Variants in ANK3 observed in about 807,000 individuals in gnomAD.
The protein encoded by ANK3 is ankyrin 3.
Under a neutral mutation model 370.9 loss-of-function variants are expected in ANK3, and 57 were observed. That is an observed-to-expected ratio of 0.15 (90% CI 0.12 to 0.19). The LOEUF is 0.19. Among genes scored for constraint, ANK3 ranks in the 10% least tolerant of loss-of-function variants. The pLI, the probability that ANK3 is intolerant of heterozygous loss-of-function variation, is 1.00. For synonymous variants in ANK3, 1,929 were observed against 1,946.3 expected, an observed-to-expected ratio of 0.99 and a Z score of 0.23; for missense variants, 4,439 against 5,302.1, an observed-to-expected ratio of 0.84 and a Z score of 5.06.
intron 1 of ANK3, among the ~76,000 whole-genome samples, chr10:60,367,458 A>G (rs959702002): frequency 3.9e-5 from 6 of 152,234 alleles, no homozygotes; most frequent in African/African-American, 1.4e-4. Flanking sequence ...AGAGAAAGAA[A>G]GAAATGAATT....
intron 43 of ANK3, among the ~76,000 whole-genome samples, chr10:60,030,774 C>T (rs535072690): frequency 6.6e-6 from 1 of 152,280 alleles, no homozygotes; most frequent in Admixed American, 6.5e-5. Flanking sequence ...ACACCTTTCT[C>T]CTGCAAAAAC....
Position 60,067,975 on chromosome 10 carries a change from C to T in ANK3, c.12279G>A (p.Arg4093=). 1.2e-6 allele frequency: 2 copies of T among 1,610,710 alleles called. No individual in the cohort carries two copies. The highest frequency in any genetic ancestry group is 1.7e-6 in the Non-Finnish European group (2 of 1,177,280). Reference sequence around the variant, plus strand: ...CCAGGTGATCGGCTACTATTGCCATCCTGATATCTGTCCGTTCACATGGAC... The same window carrying T: ...CCAGGTGATCGGCTACTATTGCCATTCTGATATCTGTCCGTTCACATGGAC... ...PQSPCERTDI[R]MAIVADHLGL... Residue 4093 remains arginine, a synonymous_variant, in exon 38 of 44, where the codon AGG becomes AGA. Transcript: ENST00000280772.
At chr10:60,372,260 T>C (rs2060199309) in intron 1 of ANK3, among the ~76,000 whole-genome samples, 1 of 152,212 alleles carries the variant, frequency 6.6e-6, no homozygotes, top group Admixed American at 6.5e-5. Context: ...CAACTGTGAC[T>C]TTGGCCCCTT....
At chr10:60,097,936 G>A (rs1486764803) in intron 28 of ANK3, among the ~76,000 whole-genome samples, 1 of 152,150 alleles carries the variant, frequency 6.6e-6, no homozygotes, top group Non-Finnish European at 1.5e-5. Flanking sequence ...ATTTGATATT[G>A]AGAGGTGAAA....
intron 2 of ANK3, among the ~76,000 whole-genome samples, chr10:60,450,478 T>A (rs1214037573): frequency 6.6e-6 from 1 of 151,980 alleles, no homozygotes; most frequent in East Asian, 1.9e-4. Flanking sequence ...CTGGAAAAAT[T>A]TCAACTTACA....
chr10:60,428,601 C>T (rs1376461004), intron 2 of ANK3, among the ~76,000 whole-genome samples: 2 of 152,180 alleles, frequency 1.3e-5, no homozygotes, highest in East Asian at 3.9e-4. Context: ...AAAATTCAAG[C>T]AACATTTGTT....
chr10:60,643,572 A>G (rs865955136), intron 1 of ANK3, among the ~76,000 whole-genome samples: 10 of 151,500 alleles, frequency 6.6e-5, no homozygotes, highest in Non-Finnish European at 1.0e-4. Flanking sequence ...CTGTACTTCT[A>G]GAGAACCCTA....
At chr10:60,466,145 T>C (rs2065007744) in intron 2 of ANK3, among the ~76,000 whole-genome samples, 2 of 152,286 alleles carry the variant, frequency 1.3e-5, no homozygotes, top group South Asian at 4.1e-4. Flanking sequence ...AAAACGGGTA[T>C]AGAAAATAGA....
chr10:60,034,187 A>G (rs1353390003), intron 43 of ANK3, among the ~76,000 whole-genome samples: 5 of 147,378 alleles, frequency 3.4e-5, no homozygotes, highest in Non-Finnish European at 7.4e-5. Flanking sequence ...GCTCACTGCA[A>G]CCTCCACCTC....
At chr10:60,733,473 C>CT in exon 1 of ANK3, 1 of 614,216 alleles carries the variant, frequency 1.6e-6, no homozygotes, top group East Asian at 3.5e-5. Context: ...CCAGCGCGGC[C>CT]TATCCTCCTC....
At position 60,237,198 on chromosome 10, in the gene ANK3, G is replaced by A. The variant is rs765922686; in HGVS notation, c.799-2412C>T. On this transcript the variant is annotated intron_variant, in intron 7 of 43. Coordinates refer to ENST00000280772, the MANE Select transcript of ANK3 (RefSeq NM_020987.5). Reference sequence around the variant, plus strand: ...GGCAGAAGGAAATAAATTTCATGACGACTTTCAGATCTGCTTATGTCTGTT... The same window carrying A: ...GGCAGAAGGAAATAAATTTCATGACAACTTTCAGATCTGCTTATGTCTGTT... Among the ~76,000 whole-genome samples, 73 of 152,332 alleles carry A rather than the reference G, an allele frequency of 4.8e-4. No homozygotes were observed. The Middle Eastern group carries it at 0.01, about 21-fold the overall frequency.
At chr10:60,559,059 T>G (rs1454731965) in intron 2 of ANK3, among the ~76,000 whole-genome samples, 1 of 152,224 alleles carries the variant, frequency 6.6e-6, no homozygotes, top group African/African-American at 2.4e-5. Flanking sequence ...AATCTATTCT[T>G]ATGCTAGCAA....
chr10:60,414,107 C>A (rs761894867), intron 2 of ANK3, among the ~76,000 whole-genome samples: 4 of 152,156 alleles, frequency 2.6e-5, no homozygotes, highest in Non-Finnish European at 5.9e-5. Flanking sequence ...ATTTTGTCTC[C>A]AATTTTTAAG....
At chr10:60,731,238 TTAAG>T (rs2080018163) in intron 1 of ANK3, among the ~76,000 whole-genome samples, 1 of 151,824 alleles carries the variant, frequency 6.6e-6, no homozygotes, top group Admixed American at 6.6e-5. Context: ...GAAAAAAAAA[TTAAG>T]TACTGAAAAA....
intron 1 of ANK3, among the ~76,000 whole-genome samples, chr10:60,320,425 C>T (rs1477647112): frequency 6.6e-6 from 1 of 152,150 alleles, no homozygotes; most frequent in African/African-American, 2.4e-5. Flanking sequence ...GAAACGCTGT[C>T]TCTACTAAAA....
chr10:60,394,985 T>G (rs1357826706), intron 2 of ANK3, among the ~76,000 whole-genome samples: 1 of 152,212 alleles, frequency 6.6e-6, no homozygotes, highest in Non-Finnish European at 1.5e-5. Context: ...CCACTAGCCA[T>G]ATGTGGCTAC....
chr10:60,466,396 T>G (rs1183783175), intron 2 of ANK3, among the ~76,000 whole-genome samples: 1 of 152,180 alleles, frequency 6.6e-6, no homozygotes, highest in Non-Finnish European at 1.5e-5. Context: ...CATGTTTGCC[T>G]TGTTTAATCT....
Position 60,252,603 on chromosome 10 carries a change from G to C in ANK3, c.798+9256C>G, listed in dbSNP as rs955578910. On this transcript the variant is annotated intron_variant, in intron 7 of 43. Coordinates refer to ENST00000280772, the MANE Select transcript of ANK3 (RefSeq NM_020987.5). ...CCAGGCGGCAGGGCACATATTCAAG[G>C]AGAAAAAGTGAAAAACCTTCCAATT... Among the ~76,000 whole-genome samples the C allele has an allele frequency of 2.0e-5, 3 of 152,128 alleles. No individual in the cohort carries two copies. In the East Asian group the frequency reaches 5.8e-4, roughly 29 times the overall value.
intron 4 of ANK3, among the ~76,000 whole-genome samples, chr10:60,275,726 G>A (rs1461138517): frequency 6.6e-6 from 1 of 151,982 alleles, no homozygotes; most frequent in South Asian, 2.1e-4. Context: ...TAACCTAAAG[G>A]GTCTTACCTT....
Sources: gnomAD v4.1 joint callset for allele counts (sites outside exome capture counted in the v4.1 genomes callset) on GRCh38, gnomAD v4.1.1 for gene constraint, MANE v1.5 for transcripts, NCBI Gene and HGNC (gene_info 2026-07-23, HGNC 2026-07-21) for gene names.